PCDHGA8: variants seen among roughly 807,000 people sequenced by gnomAD.
PCDHGA8 encodes the protein protocadherin gamma subfamily A, 8.
A neutral mutation model predicts 59.2 loss-of-function variants in PCDHGA8; 45 were observed. The observed-to-expected ratio is 0.76, with a 90% confidence interval of 0.60 to 0.98. The LOEUF is 0.98. Among genes scored for constraint, PCDHGA8 ranks in the 50% least tolerant of loss-of-function variants. The probability of loss-of-function intolerance (pLI) is 0.00; values close to 1 mark genes in which losing one functional copy is unlikely to be tolerated. For synonymous variants in PCDHGA8, 531 were observed against 519.0 expected (o/e 1.02, Z -0.32); for missense variants, 1,257 against 1,196.2 (o/e 1.05, Z -0.75).
Position 141,476,064 on chromosome 5 carries a change from C to T in PCDHGA8, c.2425-18743C>T, listed in dbSNP as rs1593605493. On this transcript the variant is annotated intron_variant, in intron 1 of 3. Transcript: ENST00000398604. The surrounding 1 kb of genome is among the most constrained non-coding windows in gnomAD (Gnocchi z 7.6). Reference sequence around the variant, plus strand: ...CGCTAACCCGCTGAAAGTTTCTCAGCGAAATCTCAGGGACGATCTGGACCC... The same window carrying T: ...CGCTAACCCGCTGAAAGTTTCTCAGTGAAATCTCAGGGACGATCTGGACCC... 2.0e-6 allele frequency: 3 copies of T among 1,510,080 alleles called. No homozygotes were observed. In the East Asian group the frequency reaches 6.8e-5, roughly 34 times the overall value. 93.5% of individuals were successfully genotyped at this position (1,510,080 alleles called of 1,614,324 possible). A position where few individuals can be genotyped will look rare whatever the true frequency, so the allele number is the denominator to read the frequency against.
chr5:141,448,928 G>C (rs2098617520), intron 1 of PCDHGA8, among the ~76,000 whole-genome samples: 1 of 152,166 alleles, frequency 6.6e-6, no homozygotes, highest in Non-Finnish European at 1.5e-5. Context: ...CTGGGCGACA[G>C]AGCAAGACTG....
intron 1 of PCDHGA8, among the ~76,000 whole-genome samples, chr5:141,402,590 A>G (rs1379327637): frequency 6.6e-6 from 1 of 152,238 alleles, no homozygotes; most frequent in Admixed American, 6.5e-5. Flanking sequence ...TAAAAAATAG[A>G]TTGCTTTTGA....
intron 1 of PCDHGA8, chr5:141,399,911 G>A: frequency 6.2e-7 from 1 of 1,612,384 alleles, no homozygotes; most frequent in Non-Finnish European, 8.5e-7. Flanking sequence ...GCAGACTCAG[G>A]ACACAACGCC....
chr5:141,497,960 C>T (rs946836523), intron 2 of PCDHGA8, among the ~76,000 whole-genome samples: 24 of 152,202 alleles, frequency 1.6e-4, no homozygotes, highest in African/African-American at 5.8e-4. Flanking sequence ...GTTGGCCAGG[C>T]AGTGTTCTCG....
chr5:141,450,310 G>A (rs1364358879), intron 1 of PCDHGA8, among the ~76,000 whole-genome samples: 1 of 151,966 alleles, frequency 6.6e-6, no homozygotes, highest in Non-Finnish European at 1.5e-5. Context: ...ACCATGTGTG[G>A]CCTAGTTGCC....
Position 141,395,033 on chromosome 5 carries a change from T to G in PCDHGA8, c.2220T>G (p.Phe740Leu). The G allele has an allele frequency of 6.2e-7, 1 of 1,614,140 alleles. No individual in the cohort carries two copies. The highest frequency in any genetic ancestry group is 8.5e-7 in the Non-Finnish European group (1 of 1,180,024). The stretch of plus-strand genomic sequence containing the variant: ...TGGTAGGCGTGCCTGCCTCACATTT[T>G]GTGGGTGTTGAGGAGGTACAGGCTT... ...GRLVGVPASHFVGVEEVQAFL... is the reference protein window; with the variant it reads ...GRLVGVPASHLVGVEEVQAFL... The change falls in exon 1 of 4, where the codon TTT becomes TTG. Residue 740 changes from phenylalanine (F) to leucine (L), a missense_variant. Transcript: ENST00000398604.
intron 2 of PCDHGA8, among the ~76,000 whole-genome samples, chr5:141,500,501 G>A (rs571735791): frequency 1.3e-5 from 2 of 152,058 alleles, no homozygotes; most frequent in Non-Finnish European, 2.9e-5. Context: ...GAGCCACCGC[G>A]CCTGGCCGAG....
At chr5:141,453,071 C>G (rs561248978) in intron 1 of PCDHGA8, among the ~76,000 whole-genome samples, 13 of 152,150 alleles carry the variant, frequency 8.5e-5, no homozygotes, top group South Asian at 2.1e-4. Flanking sequence ...TTTTGCCACA[C>G]TCTGGTTGAT....
intron 1 of PCDHGA8, among the ~76,000 whole-genome samples, chr5:141,425,428 T>C (rs1037803701): frequency 1.3e-5 from 2 of 152,238 alleles, no homozygotes; most frequent in African/African-American, 4.8e-5. Context: ...TCCCATTAAA[T>C]AGAGGATAAA....
chr5:141,435,603 T>C (rs1195458514), intron 1 of PCDHGA8, among the ~76,000 whole-genome samples: 1 of 152,218 alleles, frequency 6.6e-6, no homozygotes, highest in African/African-American at 2.4e-5. Flanking sequence ...GCCTGCTTTT[T>C]ACATTAAATT....
intron 1 of PCDHGA8, among the ~76,000 whole-genome samples, chr5:141,483,393 C>T (rs1475344614): frequency 6.6e-6 from 1 of 152,080 alleles, no homozygotes; most frequent in Admixed American, 6.5e-5. Flanking sequence ...TTGATAAATG[C>T]TTGAACCAGC....
intron 1 of PCDHGA8, among the ~76,000 whole-genome samples, chr5:141,445,582 T>C (rs886701142): frequency 6.6e-6 from 1 of 152,214 alleles, no homozygotes; most frequent in Non-Finnish European, 1.5e-5. Context: ...TAGGGAAGCT[T>C]CGCCTAATCT....
At chr5:141,438,591 CATATATAT>C (rs946798767) in intron 1 of PCDHGA8, among the ~76,000 whole-genome samples, 35 of 75,562 alleles carry the variant, frequency 4.6e-4, no homozygotes, top group South Asian at 1.0e-3. Flanking sequence ...TACATACATA[CATATATAT>C]ATATATATAT....
At chr5:141,472,408 G>T (rs780468341) in intron 1 of PCDHGA8, among the ~76,000 whole-genome samples, 1 of 152,064 alleles carries the variant, frequency 6.6e-6, no homozygotes, top group Non-Finnish European at 1.5e-5. Flanking sequence ...AGGCGTGGTG[G>T]CACGCACCTG....
intron 1 of PCDHGA8, chr5:141,441,653 G>T: frequency 4.1e-6 from 1 of 243,884 alleles, no homozygotes; most frequent in Non-Finnish European, 8.2e-6. Context: ...GATTCTAGGT[G>T]TCCTTGAGCG....
At chr5:141,430,680 C>G (rs990086941) in intron 1 of PCDHGA8, 8 of 1,343,124 alleles carry the variant, frequency 6.0e-6, no homozygotes, top group Non-Finnish European at 8.0e-6. Context: ...TCCCAACTGT[C>G]CCATTCTATG....
chr5:141,422,263 C>T lies in PCDHGA8; in HGVS notation c.2424+27026C>T, dbSNP rs755271863. On this transcript the variant is annotated intron_variant, in intron 1 of 3. Transcript: ENST00000398604. ...TGTTGTGGATGTGAATGATAACGCT[C>T]CAGAAATAACTATCACCTCTTCTAT... is the stretch of plus-strand genomic sequence containing the variant. 1.0e-5 allele frequency: 16 copies of T among 1,563,686 alleles called. No individual in the cohort carries two copies. The South Asian group carries it at 1.7e-4, about 17-fold the overall frequency.
In PCDHGA8 at chr5:141,487,218, C is replaced by T; in HGVS notation, c.2425-7589C>T. The T allele has an allele frequency of 6.2e-7, 1 of 1,613,938 alleles. No individual in the cohort carries two copies. The highest frequency in any genetic ancestry group is 1.3e-5 in the African/African-American group (1 of 75,024). On this transcript the variant is annotated intron_variant, in intron 1 of 3. Coordinates refer to ENST00000398604, the MANE Select transcript of PCDHGA8 (RefSeq NM_032088.2). The surrounding 1 kb of genome is among the most constrained non-coding windows in gnomAD (Gnocchi z 5.0). ...CCAGATCTTCGAGAATCTTCAGCTCCAAGGGAAGGAGAATCTCGTCTAACC... is the reference window on the plus strand; with the variant it reads ...CCAGATCTTCGAGAATCTTCAGCTCTAAGGGAAGGAGAATCTCGTCTAACC...
chr5:141,455,159 G>GTT (rs1390145608), intron 1 of PCDHGA8, among the ~76,000 whole-genome samples: 4 of 144,860 alleles, frequency 2.8e-5, no homozygotes, highest in African/African-American at 7.8e-5. Context: ...TTAGTTTGTT[G>GTT]GTTTTTTTTT....
Sources: gnomAD v4.1 joint callset for allele counts (sites outside exome capture counted in the v4.1 genomes callset) on GRCh38, gnomAD v4.1.1 for gene constraint, Gnocchi (gnomAD v3.1) non-coding constraint, MANE v1.5 for transcripts, NCBI Gene and HGNC (gene_info 2026-07-23, HGNC 2026-07-21) for gene names.